WDFY3: variants seen among roughly 807,000 people sequenced by gnomAD.
WDFY3 encodes WD repeat and FYVE domain-containing protein 3.
In WDFY3, 66 loss-of-function variants were observed where a neutral mutation model predicts 409.6. The ratio of observed to expected loss-of-function variants is 0.16; its 90% confidence interval spans 0.13 to 0.20. WDFY3 has a LOEUF of 0.20. WDFY3 is among the 10% of genes least tolerant of loss of function. The probability of loss-of-function intolerance (pLI) is 1.00; values close to 1 mark genes in which losing one functional copy is unlikely to be tolerated. For missense variants in WDFY3, 3,031 were observed against 4,298.1 expected (o/e 0.71, Z 8.24); for synonymous variants, 1,521 against 1,537.1 (o/e 0.99, Z 0.25).
At chr4:84,963,131 A>AC (rs1775130081) in intron 1 of WDFY3, among the ~76,000 whole-genome samples, 1 of 151,446 alleles carries the variant, frequency 6.6e-6, no homozygotes, top group African/African-American at 2.4e-5. Context: ...AAAAAACAAA[A>AC]AAAAAAAAAC....
intron 14 of WDFY3, 104 bp downstream of exon 14, chr4:84,809,783 C>T: frequency 1.0e-6 from 1 of 994,136 alleles, no homozygotes; most frequent in Non-Finnish European, 1.5e-6. Flanking sequence ...GGAGAAGAGT[C>T]ATCTGTTTTC....
intron 15 of WDFY3, 144 bp downstream of exon 15, chr4:84,808,190 C>CA (rs1331942591): frequency 1.5e-6 from 1 of 657,158 alleles, no homozygotes; most frequent in African/African-American, 1.9e-5. Flanking sequence ...AAACACCCCC[C>CA]AAAACCCCAA....
rs370223147 is a variant in WDFY3, at chr4:84,813,864, C to T, written c.1888-3520G>A. On this transcript the variant is annotated intron_variant, in intron 13 of 67. Coordinates refer to ENST00000295888, the MANE Select transcript of WDFY3 (RefSeq NM_014991.6). ...CAAATATAAAATGTTCTTCAAATAT[C>T]GACACTCATGTGGATATCCTTTTTG... Among the ~76,000 whole-genome samples, 38 of 152,228 alleles carry T rather than the reference C, an allele frequency of 2.5e-4. No individual in the cohort carries two copies. The East Asian group carries it at 4.3e-3, about 17-fold the overall frequency.
At chr4:84,689,973 G>C (rs1020917213) in intron 61 of WDFY3, among the ~76,000 whole-genome samples, 1 of 152,070 alleles carries the variant, frequency 6.6e-6, no homozygotes, top group African/African-American at 2.4e-5. Context: ...ATTATAAAAG[G>C]ACTCTTGCTT....
intron 14 of WDFY3, among the ~76,000 whole-genome samples, 175 bp from the exon 15 acceptor site, chr4:84,808,592 G>C (rs946500174): frequency 2.0e-5 from 3 of 152,172 alleles, no homozygotes; most frequent in African/African-American, 7.2e-5. Flanking sequence ...AAACAGAAAA[G>C]CATGCTCACG....
chr4:84,901,095 A>T (rs910142157), intron 2 of WDFY3, among the ~76,000 whole-genome samples: 1 of 152,160 alleles, frequency 6.6e-6, no homozygotes, highest in African/African-American at 2.4e-5. Flanking sequence ...GCAGAAGGCG[A>T]AAGGGCAAGA....
chr4:84,711,894 A>G (rs1732970646), intron 51 of WDFY3, among the ~76,000 whole-genome samples: 1 of 152,024 alleles, frequency 6.6e-6, no homozygotes, highest in South Asian at 2.1e-4. Context: ...GCAAGTATCT[A>G]TTGAGACAAA....
intron 32 of WDFY3, among the ~76,000 whole-genome samples, chr4:84,761,570 A>C (rs1167195803): frequency 6.6e-6 from 1 of 152,138 alleles, no homozygotes; most frequent in Non-Finnish European, 1.5e-5. Flanking sequence ...TTCATGTCTA[A>C]AACACCAAAA....
At chr4:84,922,736 T>C (rs1370869983) in intron 2 of WDFY3, among the ~76,000 whole-genome samples, 1 of 152,130 alleles carries the variant, frequency 6.6e-6, no homozygotes, top group Non-Finnish European at 1.5e-5. Context: ...CAAAGCTCCC[T>C]GCAACCTCAG....
At chr4:84,851,212 C>T (rs867736557) in intron 4 of WDFY3, among the ~76,000 whole-genome samples, 20 of 151,278 alleles carry the variant, frequency 1.3e-4, no homozygotes, top group African/African-American at 3.9e-4. Flanking sequence ...CTAGATATAT[C>T]CTGAGGTATT....
chr4:84,687,432 C>T (rs1728517914), intron 62 of WDFY3, among the ~76,000 whole-genome samples: 2 of 152,164 alleles, frequency 1.3e-5, no homozygotes, highest in African/African-American at 4.8e-5. Flanking sequence ...CATGAGCCAC[C>T]ATGCCCGGCC....
chr4:84,709,110 T>G (rs1732469849), intron 52 of WDFY3, 82 bp from the exon 53 acceptor site: 1 of 1,541,280 alleles, frequency 6.5e-7, no homozygotes, highest in African/African-American at 1.4e-5. Flanking sequence ...TACAAAATGA[T>G]GTAAAGGACA....
chr4:84,949,946 C>T (rs759436936), intron 1 of WDFY3, among the ~76,000 whole-genome samples: 16 of 152,294 alleles, frequency 1.1e-4, no homozygotes, highest in Middle Eastern at 3.4e-3. Context: ...AGATGCTGTT[C>T]GCGTATGTTT....
chr4:84,899,561 T>G (rs1766076018), intron 2 of WDFY3, among the ~76,000 whole-genome samples: 1 of 152,204 alleles, frequency 6.6e-6, no homozygotes, highest in Non-Finnish European at 1.5e-5. Context: ...TGTACCAAAA[T>G]CTAGCCCACA....
In WDFY3 at chr4:84,679,075, A is replaced by C; in HGVS notation, c.9991T>G (p.Ser3331Ala). Residue 3331 changes from serine (S) to alanine (A), a missense_variant, in exon 65 of 68, where the codon TCC (serine) becomes GCC (alanine). Coordinates refer to ENST00000295888, the MANE Select transcript of WDFY3 (RefSeq NM_014991.6). ...CTGAGCTGGTCGGACCAGCGTCTGG[A>C]GTCGTCAGAGCCACTGTCAGTACAC... ...AWCTDSGSDD[S>A]RRWSDQLSLD... 6.2e-7 allele frequency: 1 copy of C among 1,614,172 alleles called. No homozygotes were observed. The highest frequency in any genetic ancestry group is 8.5e-7 in the Non-Finnish European group (1 of 1,180,030).
chr4:84,753,670 T>C, intron 35 of WDFY3, 27 bp downstream of exon 35: 1 of 1,527,214 alleles, frequency 6.5e-7, no homozygotes, highest in Non-Finnish European at 8.8e-7. Flanking sequence ...TAATTCCAGT[T>C]CTGACATTTT....
intron 21 of WDFY3, among the ~76,000 whole-genome samples, 186 bp from the exon 22 acceptor site, chr4:84,790,093 T>C (rs957652916): frequency 6.6e-6 from 1 of 152,126 alleles, no homozygotes; most frequent in Admixed American, 6.5e-5. Flanking sequence ...CTCACACCTG[T>C]AATGTCAGCC....
chr4:84,896,084 C>T (rs557715568), intron 3 of WDFY3, among the ~76,000 whole-genome samples: 6 of 151,652 alleles, frequency 4.0e-5, no homozygotes, highest in African/African-American at 1.2e-4. Context: ...GGTGAAACCC[C>T]GTCTCTACTA....
In WDFY3 at chr4:84,796,552, C is replaced by T. The variant is rs1560782236; in HGVS notation, c.3136G>A (p.Val1046Ile). 3 of 1,601,506 alleles carry T rather than the reference C, an allele frequency of 1.9e-6. No homozygotes were observed. Among genetic ancestry groups the T allele is most frequent in the South Asian group, 1.1e-5 (1 of 89,156 alleles). The change falls in exon 19 of 68, where the codon GTT (valine) becomes ATT (isoleucine). Residue 1046 changes from valine (V) to isoleucine (I), a missense_variant. Val to Ile is a conservative substitution (Grantham distance 29). This residue lies in a region of WDFY3 where 1,322 missense variants were observed against 1,697.9 expected (regional missense o/e 0.78). Coordinates refer to ENST00000295888, the MANE Select transcript of WDFY3 (RefSeq NM_014991.6). Reference sequence around the variant, plus strand: ...CCTTCAAGTGATGTGTCAAATTCAACAAAAGCTGGAGTAACTGATGACCCA... The same window carrying T: ...CCTTCAAGTGATGTGTCAAATTCAATAAAAGCTGGAGTAACTGATGACCCA... Reference protein sequence around the residue: ...LHGSSVTPAFVEFDTSLEGFG... With the variant: ...LHGSSVTPAFIEFDTSLEGFG...
Sources: gnomAD v4.1 joint callset for allele counts (sites outside exome capture counted in the v4.1 genomes callset) on GRCh38, gnomAD v4.1.1 for gene constraint, gnomAD v4.1.1 regional missense constraint, MANE v1.5 for transcripts, NCBI Gene and HGNC (gene_info 2026-07-23, HGNC 2026-07-21) for gene names.